GAB1: variants seen among roughly 807,000 people sequenced by gnomAD.
The protein encoded by GAB1 is GRB2 associated binding protein 1, also known as GRB2-associated-binding protein 1.
Under a neutral mutation model 66.5 loss-of-function variants are expected in GAB1, and 19 were observed. The ratio of observed to expected loss-of-function variants is 0.29; its 90% CI spans 0.20 to 0.42. The LOEUF (loss-of-function observed/expected upper bound fraction) is 0.42. Among genes scored for constraint, GAB1 ranks in the 10% least tolerant of loss-of-function variants. GAB1 has a pLI of 1.00. For missense variants in GAB1, 732 were observed against 858.5 expected (o/e 0.85, Z 1.84); for synonymous variants, 294 against 301.4 (o/e 0.98, Z 0.25).
chr4:143,404,440 A>G (rs888123588), intron 1 of GAB1, among the ~76,000 whole-genome samples: 1 of 152,228 alleles, frequency 6.6e-6, no homozygotes, highest in Non-Finnish European at 1.5e-5. Context: ...TTACAGTAGC[A>G]TTACACAATT....
intron 1 of GAB1, among the ~76,000 whole-genome samples, chr4:143,351,631 C>A (rs953066540): frequency 6.6e-6 from 1 of 152,158 alleles, no homozygotes; most frequent in Non-Finnish European, 1.5e-5. Flanking sequence ...AGGGACCACG[C>A]CTTCCTCTAC....
chr4:143,440,716 A>G (rs1405778838), intron 6 of GAB1, among the ~76,000 whole-genome samples: 1 of 152,222 alleles, frequency 6.6e-6, no homozygotes. Context: ...CTACACTGCT[A>G]CAATCCTTTG....
chr4:143,443,138 T>C (rs1489676793), intron 6 of GAB1, among the ~76,000 whole-genome samples: 1 of 151,710 alleles, frequency 6.6e-6, no homozygotes. Context: ...TGCCTCAGCT[T>C]CCCGAGTAGC....
chr4:143,391,127 G>T (rs1731168371), intron 1 of GAB1, among the ~76,000 whole-genome samples: 1 of 152,084 alleles, frequency 6.6e-6, no homozygotes, highest in Admixed American at 6.6e-5. Flanking sequence ...AGCAGGTAAT[G>T]GTCTGCCCCA....
At chr4:143,350,364 C>G (rs983891460) in intron 1 of GAB1, among the ~76,000 whole-genome samples, 2 of 152,226 alleles carry the variant, frequency 1.3e-5, no homozygotes. Flanking sequence ...CATGGCTTAG[C>G]TCACTAAAAC....
At chr4:143,450,376 G>A (rs1014734760) in intron 6 of GAB1, among the ~76,000 whole-genome samples, 9 of 152,020 alleles carry the variant, frequency 5.9e-5, no homozygotes, top group Admixed American at 3.3e-4. Flanking sequence ...AAAAATTTAG[G>A]CTTAAAAAAA....
chr4:143,467,339 C>G, intron 9 of GAB1, among the ~76,000 whole-genome samples: 1 of 152,196 alleles, frequency 6.6e-6, no homozygotes, highest in Non-Finnish European at 1.5e-5. Flanking sequence ...TACAGGTTCA[C>G]TACAATACGT....
chr4:143,397,236 C>G (rs529727081), intron 1 of GAB1, among the ~76,000 whole-genome samples: 8 of 152,116 alleles, frequency 5.3e-5, no homozygotes, highest in African/African-American at 1.9e-4. Flanking sequence ...TAGCAAAAAA[C>G]AAACAAAAAA....
chr4:143,460,051 T>C (rs1560786502), intron 7 of GAB1, among the ~76,000 whole-genome samples: 2 of 152,010 alleles, frequency 1.3e-5, no homozygotes, highest in African/African-American at 4.8e-5. Context: ...ATATAGTTTT[T>C]AAAAAAATAG....
At chr4:143,459,352 A>G (rs1735365073) in intron 6 of GAB1, 33 bp from the exon 7 acceptor site, 5 of 1,258,788 alleles carry the variant, frequency 4.0e-6, no homozygotes, top group Admixed American at 3.4e-5. Context: ...AGTTCTGTAT[A>G]CTAAAAATCT....
intron 1 of GAB1, among the ~76,000 whole-genome samples, chr4:143,364,032 A>G (rs983697014): frequency 6.6e-6 from 1 of 152,110 alleles, no homozygotes; most frequent in Non-Finnish European, 1.5e-5. Flanking sequence ...TACTAAAAAT[A>G]CAAAAATTAG....
intron 6 of GAB1, chr4:143,457,890 T>G (rs1316342252): frequency 1.7e-6 from 1 of 600,312 alleles, no homozygotes; most frequent in East Asian, 3.4e-5. Context: ...AATAAAACTT[T>G]CCTGCACATT....
intron 2 of GAB1, among the ~76,000 whole-genome samples, chr4:143,422,751 T>G (rs926729647): frequency 2.2e-4 from 34 of 152,218 alleles, no homozygotes; most frequent in African/African-American, 8.0e-4. Context: ...CACTGGAAGC[T>G]TGTTCACTGA....
At chr4:143,360,463 G>A (rs939002117) in intron 1 of GAB1, among the ~76,000 whole-genome samples, 3 of 152,174 alleles carry the variant, frequency 2.0e-5, no homozygotes, top group Non-Finnish European at 4.4e-5. Context: ...TTTATAATCA[G>A]AAGATTGAGA....
Position 143,337,086 on chromosome 4 carries a change from A to C in GAB1, c.-103A>C. On this transcript the variant is annotated 5_prime_UTR_variant, in exon 1 of 10. Coordinates refer to ENST00000262994, the MANE Select transcript of GAB1 (RefSeq NM_002039.4). ...AGTCCGTCCGGGGTGCGCGACCAGG[A>C]GAGCTAGGTTCTCGCCACTGCGCGC... 2 of 973,480 alleles carry C rather than the reference A, an allele frequency of 2.1e-6. No individual in the cohort carries two copies. The highest frequency in any genetic ancestry group is 3.1e-6 in the Non-Finnish European group (2 of 653,066). The allele number at this position is 973,480 out of a possible 1,614,324, so 60.3% of individuals were successfully genotyped here. A position where few individuals can be genotyped will look rare whatever the true frequency, so the allele number is the denominator to read the frequency against.
At chr4:143,441,213 G>T (rs750743178) in intron 6 of GAB1, among the ~76,000 whole-genome samples, 18 of 152,006 alleles carry the variant, frequency 1.2e-4, no homozygotes, top group Admixed American at 7.2e-4. Flanking sequence ...TTTAAATTGG[G>T]GTTTAAGTTG....
At chr4:143,458,721 A>T (rs28925939) in intron 6 of GAB1, among the ~76,000 whole-genome samples, 36,724 of 151,998 alleles carry the variant, frequency 0.24, 4,774 homozygotes, top group South Asian at 0.3. Context: ...ACTTAATTGT[A>T]TATAATTTAG....
At position 143,370,986 on chromosome 4, in the gene GAB1, G is replaced by A. The variant is rs185380364; in HGVS notation, c.72+33726G>A. Among the ~76,000 whole-genome samples, 5 of 152,210 alleles carry A rather than the reference G, an allele frequency of 3.3e-5. No individual in the cohort carries two copies. The East Asian group carries it at 9.7e-4, about 29-fold the overall frequency. On this transcript the variant is annotated intron_variant, in intron 1 of 9. Transcript: ENST00000262994. ...GGGTTGGTTCCAAGTCTTTACTATT[G>A]TGAATAGTGACGCAATAAACATATG... is the stretch of plus-strand genomic sequence containing the variant.
chr4:143,364,550 G>A (rs1231378478), intron 1 of GAB1, among the ~76,000 whole-genome samples: 2 of 152,174 alleles, frequency 1.3e-5, no homozygotes, highest in Non-Finnish European at 2.9e-5. Flanking sequence ...TGTTGGAGCA[G>A]ACAATGTTTG....
Sources: gnomAD v4.1 joint callset for allele counts (sites outside exome capture counted in the v4.1 genomes callset) on GRCh38, gnomAD v4.1.1 for gene constraint, MANE v1.5 for transcripts, NCBI Gene and HGNC (gene_info 2026-07-23, HGNC 2026-07-21) for gene names.